The following C8orf89 variants were observed in gnomAD, a reference collection of about 807,000 sequenced individuals.
The protein encoded by C8orf89 is putative uncharacterized protein C8orf89.
Under a neutral mutation model 15.8 loss-of-function variants are expected in C8orf89, and 14 were observed. The ratio of observed to expected loss-of-function variants is 0.89; its 90% CI spans 0.59 to 1.39. The LOEUF is 1.39. C8orf89 is among the 40% of genes most tolerant of loss of function. The pLI is 0.00. For synonymous variants in C8orf89, 55 were observed against 62.2 expected (o/e 0.88, Z 0.54); for missense variants, 181 against 184.5 (o/e 0.98, Z 0.11).
At position 73,250,297 on chromosome 8, in the gene C8orf89, C is replaced by G; in HGVS notation, c.308G>C (p.Ser103Thr). 3.3e-6 allele frequency: 5 copies of G among 1,533,046 alleles called. No individual in the cohort carries two copies. Among genetic ancestry groups the G allele is most frequent in the Non-Finnish European group, 4.4e-6 (5 of 1,144,652 alleles). 95.0% of individuals were successfully genotyped at this position (1,533,046 alleles called of 1,614,324 possible). A position where few individuals can be genotyped will look rare whatever the true frequency, so the allele number is the denominator to read the frequency against. ...TGATTTCTCCCAAAGTGGTGCCACA[C>G]TGCATGTCTCCTTAGTCTTCTTTAG... ...VRLKKTKETC[S>T]VAPLWEKSKG... is the part of the protein sequence containing the mutation. The change falls in exon 3 of 4, where the codon AGT becomes ACT. Residue 103 changes from serine (S) to threonine (T), a missense_variant. Transcript: ENST00000624510.
At chr8:73,268,556 A>G in the C8orf89 span, among the ~76,000 whole-genome samples, 2 of 152,196 alleles carry the variant, frequency 1.3e-5, no homozygotes, top group East Asian at 3.8e-4. Context: ...TTTTTAAAAG[A>G]TACTCTATGA....
At chr8:73,248,738 G>C (rs1813182637) in intron 3 of C8orf89, among the ~76,000 whole-genome samples, 1 of 152,112 alleles carries the variant, frequency 6.6e-6, no homozygotes, top group Non-Finnish European at 1.5e-5. Context: ...TTGGCTCTTG[G>C]CTTGACTGTT....
chr8:73,255,110 T>C (rs1365093955), intron 2 of C8orf89, among the ~76,000 whole-genome samples: 1 of 151,606 alleles, frequency 6.6e-6, no homozygotes, highest in African/African-American at 2.4e-5. Flanking sequence ...AAGCCAAAAT[T>C]GACAAATGGG....
At chr8:73,253,611 T>C (rs1228862406) in intron 2 of C8orf89, among the ~76,000 whole-genome samples, 2 of 151,760 alleles carry the variant, frequency 1.3e-5, no homozygotes, top group Non-Finnish European at 2.9e-5. Flanking sequence ...TTTTATTTCC[T>C]TGAGCAGTGG....
At chr8:73,248,852 G>T (rs1204514990) in intron 3 of C8orf89, among the ~76,000 whole-genome samples, 1 of 152,090 alleles carries the variant, frequency 6.6e-6, no homozygotes, top group African/African-American at 2.4e-5. Flanking sequence ...CAAGACTATG[G>T]GGTTTTCTGG....
intron 2 of C8orf89, among the ~76,000 whole-genome samples, chr8:73,252,959 G>A (rs985608946): frequency 3.3e-5 from 5 of 152,134 alleles, no homozygotes; most frequent in Non-Finnish European, 7.4e-5. Flanking sequence ...GGCTAACAGG[G>A]TGAAACCCCG....
chr8:73,251,151 C>A (rs1586163570), intron 2 of C8orf89, among the ~76,000 whole-genome samples: 1 of 152,054 alleles, frequency 6.6e-6, no homozygotes, highest in Non-Finnish European at 1.5e-5. Flanking sequence ...AAGTACTCCA[C>A]CTCTAGGATT....
chr8:73,269,492 G>T, the C8orf89 span, among the ~76,000 whole-genome samples: 1 of 152,132 alleles, frequency 6.6e-6, no homozygotes, highest in East Asian at 1.9e-4. Flanking sequence ...ATTCATTATA[G>T]TCTGATCTGC....
At chr8:73,274,796 A>T in the C8orf89 span, among the ~76,000 whole-genome samples, 1 of 152,202 alleles carries the variant, frequency 6.6e-6, no homozygotes, top group Non-Finnish European at 1.5e-5. Context: ...AATAAGTTAC[A>T]CATATCTTCT....
upstream of C8orf89, among the ~76,000 whole-genome samples, chr8:73,263,681 T>C (rs771314021): frequency 6.6e-6 from 1 of 152,194 alleles, no homozygotes; most frequent in African/African-American, 2.4e-5. Context: ...ATGTCAAGCA[T>C]GGAAGATGTA....
the C8orf89 span, among the ~76,000 whole-genome samples, chr8:73,268,281 C>A: frequency 8.6e-5 from 13 of 151,996 alleles, no homozygotes; most frequent in African/African-American, 2.9e-4. Context: ...AGTTCGAGAC[C>A]AGCCTGGCCA....
chr8:73,247,456 C>T (rs1813152379), intron 3 of C8orf89, among the ~76,000 whole-genome samples: 1 of 152,110 alleles, frequency 6.6e-6, no homozygotes, highest in Non-Finnish European at 1.5e-5. Flanking sequence ...GGGTACATAC[C>T]CAGTAATGGG....
At chr8:73,266,566 G>A in the C8orf89 span, among the ~76,000 whole-genome samples, 1 of 152,182 alleles carries the variant, frequency 6.6e-6, no homozygotes, top group South Asian at 2.1e-4. Flanking sequence ...GGTTTGAGGT[G>A]GCTTTTCAGT....
intron 3 of C8orf89, among the ~76,000 whole-genome samples, chr8:73,243,169 A>G (rs115499821): frequency 4.7e-4 from 71 of 152,300 alleles, no homozygotes; most frequent in African/African-American, 1.6e-3. Flanking sequence ...AGGATAGTGG[A>G]GGAGAGATGC....
the C8orf89 span, among the ~76,000 whole-genome samples, chr8:73,285,764 C>T: frequency 1.3e-5 from 2 of 152,342 alleles, no homozygotes; most frequent in East Asian, 1.9e-4. Flanking sequence ...CTCAGCCCCC[C>T]GCCCAGTCCA....
the C8orf89 span, chr8:73,277,301 A>G: frequency 3.3e-6 from 2 of 611,368 alleles, no homozygotes; most frequent in Non-Finnish European, 5.9e-6. Context: ...GGAGCAACAC[A>G]TCCAATGAAC....
intron 3 of C8orf89, 114 bp from the exon 4 acceptor site, chr8:73,241,719 A>T (rs1813011035): frequency 1.2e-6 from 1 of 855,558 alleles, no homozygotes; most frequent in Non-Finnish European, 1.7e-6. Context: ...ATTACACACT[A>T]CTAGTTCTTA....
chr8:73,268,954 C>T, the C8orf89 span, among the ~76,000 whole-genome samples: 1 of 152,182 alleles, frequency 6.6e-6, no homozygotes. Flanking sequence ...AGACATTCTC[C>T]TTCCCTTTAA....
At chr8:73,277,311 C>A in the C8orf89 span, 1 of 636,362 alleles carries the variant, frequency 1.6e-6, no homozygotes, top group African/African-American at 1.8e-5. Context: ...ATCCAATGAA[C>A]GCAGATGAAT....
Sources: allele counts gnomAD v4.1 joint callset (sites outside exome capture counted in the v4.1 genomes callset), GRCh38; gene constraint gnomAD v4.1.1; transcripts MANE v1.5; gene names NCBI Gene and HGNC (gene_info 2026-07-23, HGNC 2026-07-21).